Variants in MAPKAPK5 observed in about 807,000 individuals in gnomAD.
The protein encoded by MAPKAPK5 is MAPK activated protein kinase 5.
A neutral mutation model predicts 65.1 loss-of-function variants in MAPKAPK5; 30 were observed. The ratio of observed to expected loss-of-function variants is 0.46; its 90% confidence interval spans 0.34 to 0.63. The LOEUF (loss-of-function observed/expected upper bound fraction) is 0.63. Among genes scored for constraint, MAPKAPK5 ranks in the 20% least tolerant of loss-of-function variants. MAPKAPK5 has a pLI of 0.01. For missense variants in MAPKAPK5, 433 were observed against 581.4 expected, an observed-to-expected ratio of 0.74 and a Z score of 2.63; for synonymous variants, 179 against 204.6, an observed-to-expected ratio of 0.87 and a Z score of 1.07.
intron 1 of MAPKAPK5, among the ~76,000 whole-genome samples, chr12:111,847,158 A>G (rs1287828517): frequency 6.6e-6 from 1 of 151,792 alleles, no homozygotes; most frequent in African/African-American, 2.4e-5. Context: ...CCTGGCCAAC[A>G]TTGTGAAACC....
At position 111,859,654 on chromosome 12, in the gene MAPKAPK5, T is replaced by TTTC. The variant is rs71819856; in HGVS notation, c.37-5594_37-5593insCTT. Among the ~76,000 whole-genome samples, 143 of 95,946 alleles carry TTTC rather than the reference T, an allele frequency of 1.5e-3. 1 individual carries two copies. Among genetic ancestry groups the TTTC allele is most frequent in the Admixed American group, 8.2e-3 (89 of 10,846 alleles). 62.9% of individuals were successfully genotyped at this position (95,946 alleles called of 152,430 possible). A position where few individuals can be genotyped will look rare whatever the true frequency, so the allele number is the denominator to read the frequency against. On this transcript the variant is annotated intron_variant, in intron 1 of 13. Coordinates refer to ENST00000550735, the MANE Select transcript of MAPKAPK5 (RefSeq NM_003668.4). ...TTTCTTTTCTTTTCTTTGCTTTTCT[T>TTTC]TTTTTTTTTTTTGAGACTGAGTTTC... is the stretch of plus-strand genomic sequence containing the variant.
At chr12:111,877,025 AT>A (rs60828767) in intron 7 of MAPKAPK5, among the ~76,000 whole-genome samples, 8 of 139,578 alleles carry the variant, frequency 5.7e-5, no homozygotes, top group Admixed American at 1.4e-4. Context: ...TTTAATTTTA[AT>A]TTTTTTTTTT....
At chr12:111,866,777 T>G (rs2069628756) in intron 3 of MAPKAPK5, among the ~76,000 whole-genome samples, 1 of 152,180 alleles carries the variant, frequency 6.6e-6, no homozygotes, top group African/African-American at 2.4e-5. Flanking sequence ...GCATCTTGTA[T>G]TTTTAGTAGA....
intron 7 of MAPKAPK5, among the ~76,000 whole-genome samples, chr12:111,875,496 C>G (rs1419460136): frequency 6.6e-6 from 1 of 152,254 alleles, no homozygotes; most frequent in East Asian, 1.9e-4. Flanking sequence ...TCTTGGCCCC[C>G]CCTTAGCAAT....
intron 1 of MAPKAPK5, among the ~76,000 whole-genome samples, chr12:111,844,896 T>G (rs2068858000): frequency 6.6e-6 from 1 of 152,116 alleles, no homozygotes; most frequent in East Asian, 1.9e-4. Flanking sequence ...GCAAGGTGGC[T>G]GGAATGCAGT....
In MAPKAPK5 at chr12:111,870,368, G is replaced by T; in HGVS notation, c.483+8G>T. On this transcript the variant is annotated splice_region_variant and intron_variant, in intron 6 of 13. Transcript: ENST00000550735. Reference sequence around the variant, plus strand: ...TTTAAGGATAACTCTTTGGTGAGAAGACTGTTTTTCTGCATTTTAGTGCTG... The same window carrying T: ...TTTAAGGATAACTCTTTGGTGAGAATACTGTTTTTCTGCATTTTAGTGCTG... 2 of 1,603,210 alleles carry T rather than the reference G, an allele frequency of 1.2e-6. No individual in the cohort carries two copies. Among genetic ancestry groups the T allele is most frequent in the South Asian group, 1.1e-5 (1 of 90,314 alleles).
intron 7 of MAPKAPK5, among the ~76,000 whole-genome samples, chr12:111,878,217 A>C (rs1292668258): frequency 6.6e-6 from 1 of 151,898 alleles, no homozygotes; most frequent in Non-Finnish European, 1.5e-5. Context: ...CTATGTTGAA[A>C]ATCTTTGTCT....
chr12:111,893,441 CCT>C lies in MAPKAPK5; in HGVS notation c.*381_*382del, dbSNP rs2136169260. ...GACTCTGGATTCTGGTTTCAATTGCCCTGTGTGTTTATTTTCCACACCATTGC... is the reference window on the plus strand; with the variant it reads ...GACTCTGGATTCTGGTTTCAATTGCCGTGTGTTTATTTTCCACACCATTGC... On this transcript the variant is annotated 3_prime_UTR_variant, in exon 14 of 14. Coordinates refer to ENST00000550735, the MANE Select transcript of MAPKAPK5 (RefSeq NM_003668.4). 1 of 153,476 alleles carries C rather than the reference CCT, an allele frequency of 6.5e-6. No homozygotes were observed. The highest frequency in any genetic ancestry group is 2.4e-5 in the African/African-American group (1 of 41,542). 9.5% of individuals were successfully genotyped at this position (153,476 alleles called of 1,614,324 possible).
At chr12:111,870,420 G>T in intron 6 of MAPKAPK5, 60 bp downstream of exon 6, 1 of 1,414,890 alleles carries the variant, frequency 7.1e-7, no homozygotes, top group Non-Finnish European at 9.9e-7. Flanking sequence ...TCAGGAGTGG[G>T]TGTGTTTGGA....
intron 1 of MAPKAPK5, among the ~76,000 whole-genome samples, chr12:111,847,964 T>C (rs1489327825): frequency 6.6e-6 from 1 of 152,240 alleles, no homozygotes; most frequent in Non-Finnish European, 1.5e-5. Flanking sequence ...TATTGAGCAG[T>C]AGTCTTTATT....
chr12:111,880,673 T>A, intron 8 of MAPKAPK5, 146 bp downstream of exon 8: 1 of 665,270 alleles, frequency 1.5e-6, no homozygotes, highest in Non-Finnish European at 2.6e-6. Flanking sequence ...CGCAGAAAAG[T>A]ATTTGGAATT....
chr12:111,870,646 T>C (rs765119337), intron 6 of MAPKAPK5, among the ~76,000 whole-genome samples: 2 of 152,204 alleles, frequency 1.3e-5, no homozygotes, highest in Non-Finnish European at 2.9e-5. Flanking sequence ...TATGCTGTTA[T>C]ATATTATCTC....
At position 111,882,840 on chromosome 12, in the gene MAPKAPK5, G is replaced by T. The variant is rs745462643; in HGVS notation, c.661-741G>T. 2.2e-5 allele frequency: 22 copies of T among 985,332 alleles called. No individual in the cohort carries two copies. In the African/African-American group the frequency reaches 3.1e-4, roughly 14 times the overall value. 61.0% of individuals were successfully genotyped at this position (985,332 alleles called of 1,614,324 possible). ...GCTTTGGGCCTTTATGAAGTGGCCT[G>T]TGCTGTACTGTAGGTGAGCCTACCT... On this transcript the variant is annotated intron_variant, in intron 8 of 13. Transcript: ENST00000550735.
intron 7 of MAPKAPK5, among the ~76,000 whole-genome samples, chr12:111,873,667 A>T (rs569435445): frequency 1.3e-5 from 2 of 152,146 alleles, no homozygotes; most frequent in Non-Finnish European, 2.9e-5. Flanking sequence ...GTTGAAAACC[A>T]GCTGGCCATA....
intron 9 of MAPKAPK5, 89 bp from the exon 10 acceptor site, chr12:111,885,827 C>A: frequency 6.4e-7 from 1 of 1,553,506 alleles, no homozygotes. Context: ...TCAGAAGTAA[C>A]CAGAACTGTT....
rs757055610 is a variant in MAPKAPK5, at chr12:111,842,786, C to A, written c.36+17C>A. 2.3e-5 allele frequency: 30 copies of A among 1,316,296 alleles called. No homozygotes were observed. The highest frequency in any genetic ancestry group is 2.9e-5 in the Non-Finnish European group (30 of 1,023,850). The allele number at this position is 1,316,296 out of a possible 1,614,324, so 81.5% of individuals were successfully genotyped here. ...GCCATCAAGGTAAGGGGGAGGTGCCCCCTCTTCCCCCGCGTTGTCCTGTGG... is the reference window on the plus strand; with the variant it reads ...GCCATCAAGGTAAGGGGGAGGTGCCACCTCTTCCCCCGCGTTGTCCTGTGG... On this transcript the variant is annotated intron_variant, in intron 1 of 13. Coordinates refer to ENST00000550735, the MANE Select transcript of MAPKAPK5 (RefSeq NM_003668.4).
In MAPKAPK5 at chr12:111,863,437, G is replaced by A. The variant is rs908744889; in HGVS notation, c.37-1813G>A. On this transcript the variant is annotated intron_variant, in intron 1 of 13. Coordinates refer to ENST00000550735, the MANE Select transcript of MAPKAPK5 (RefSeq NM_003668.4). The stretch of plus-strand genomic sequence containing the variant: ...CCAAGCCTGGCACATTCACTGGATA[G>A]AGGCCTTGTTTTCATACCTGAACTT... Among the ~76,000 whole-genome samples, 4 of 152,268 alleles carry A rather than the reference G, an allele frequency of 2.6e-5. No homozygotes were observed. The East Asian group carries it at 7.7e-4, about 29-fold the overall frequency.
Position 111,900,905 on chromosome 12 carries a change from T to G in MAPKAPK5, c.*7844T>G. On this transcript the variant is annotated 3_prime_UTR_variant, in exon 14 of 14. Transcript: ENST00000550735. ...AGTGCTTACAATTATATGGATATGGTGCAAAATCAGCCTCACAAGAGTGTT... is the reference window on the plus strand; with the variant it reads ...AGTGCTTACAATTATATGGATATGGGGCAAAATCAGCCTCACAAGAGTGTT... The G allele has an allele frequency of 2.2e-6, 1 of 455,080 alleles. No homozygotes were observed. Among genetic ancestry groups the G allele is most frequent in the Middle Eastern group, 3.3e-4 (1 of 3,070 alleles). The allele number at this position is 455,080 out of a possible 1,614,324, so 28.2% of individuals were successfully genotyped here. A position where few individuals can be genotyped will look rare whatever the true frequency, so the allele number is the denominator to read the frequency against.
rs1291875138 is a variant in MAPKAPK5, at chr12:111,899,789, G to GA, written c.*6733dup. On this transcript the variant is annotated 3_prime_UTR_variant, in exon 14 of 14. Coordinates refer to ENST00000550735, the MANE Select transcript of MAPKAPK5 (RefSeq NM_003668.4). The stretch of plus-strand genomic sequence containing the variant: ...GGGGCACATCCTCCTGATTAAGGAG[G>GA]AAAAATCTTACAGCATTGAGCCCAT... 7 of 386,774 alleles carry GA rather than the reference G, an allele frequency of 1.8e-5. No homozygotes were observed. The highest frequency in any genetic ancestry group is 1.5e-4 in the African/African-American group (7 of 48,262). The allele number at this position is 386,774 out of a possible 1,614,324, so 24.0% of individuals were successfully genotyped here. A position where few individuals can be genotyped will look rare whatever the true frequency, so the allele number is the denominator to read the frequency against.
Sources: allele counts gnomAD v4.1 joint callset (sites outside exome capture counted in the v4.1 genomes callset), GRCh38; gene constraint gnomAD v4.1.1; transcripts MANE v1.5; gene names NCBI Gene and HGNC (gene_info 2026-07-23, HGNC 2026-07-21).